The following TRIM33 variants were observed in gnomAD, a reference collection of about 807,000 sequenced individuals.
TRIM33 encodes E3 ubiquitin-protein ligase TRIM33.
Under a neutral mutation model 125.4 loss-of-function variants are expected in TRIM33, and 20 were observed. The observed-to-expected ratio is 0.16, with a 90% CI of 0.11 to 0.23. The LOEUF is 0.23. Among genes scored for constraint, TRIM33 ranks in the 10% least tolerant of loss-of-function variants. TRIM33 has a pLI of 1.00. For synonymous variants in TRIM33, 564 were observed against 513.9 expected (o/e 1.10, Z -1.32); for missense variants, 920 against 1,411.4 (o/e 0.65, Z 5.58).
At chr1:114,433,782 G>C (rs749456599) in intron 4 of TRIM33, 49 bp from the exon 5 acceptor site, 2 of 1,212,604 alleles carry the variant, frequency 1.6e-6, no homozygotes, top group Admixed American at 4.0e-5. Flanking sequence ...TTATGATTAA[G>C]ATTTTGGAAA....
chr1:114,456,366 C>T (rs1649623768), intron 4 of TRIM33, among the ~76,000 whole-genome samples: 1 of 152,256 alleles, frequency 6.6e-6, no homozygotes, highest in South Asian at 2.1e-4. Flanking sequence ...AATTAGACAA[C>T]GGAGTGCTGG....
At chr1:114,506,331 C>T (rs530631136) in intron 1 of TRIM33, among the ~76,000 whole-genome samples, 23 of 147,912 alleles carry the variant, frequency 1.6e-4, no homozygotes, top group Non-Finnish European at 3.0e-4. Flanking sequence ...TGCAGTGAGC[C>T]GAGATCGCAC....
In TRIM33 at chr1:114,394,953, A is replaced by G. The variant is rs927378020; in HGVS notation, c.*2695T>C. The G allele has an allele frequency of 1.0e-5, 2 of 196,124 alleles. No homozygotes were observed. Among genetic ancestry groups the G allele is most frequent in the Non-Finnish European group, 1.1e-5 (1 of 94,410 alleles). The allele number at this position is 196,124 out of a possible 1,614,324, so 12.1% of individuals were successfully genotyped here. A position where few individuals can be genotyped will look rare whatever the true frequency, so the allele number is the denominator to read the frequency against. Reference sequence around the variant, plus strand: ...TGGACTTTTCTCCAAATCTTCTAAAATACTGCCATTTAAAAAACAAATACA... The same window carrying G: ...TGGACTTTTCTCCAAATCTTCTAAAGTACTGCCATTTAAAAAACAAATACA... On this transcript the variant is annotated 3_prime_UTR_variant, in exon 20 of 20. Transcript: ENST00000358465.
chr1:114,417,582 C>T (rs1653016931), intron 11 of TRIM33, among the ~76,000 whole-genome samples: 1 of 152,182 alleles, frequency 6.6e-6, no homozygotes, highest in Non-Finnish European at 1.5e-5. Context: ...GGTATTGTTA[C>T]AGGTAGTGTG....
chr1:114,411,478 A>C (rs1428856705), intron 11 of TRIM33, among the ~76,000 whole-genome samples: 2 of 152,164 alleles, frequency 1.3e-5, no homozygotes, highest in Non-Finnish European at 2.9e-5. Context: ...CTACAGGTGA[A>C]TCCCTAGCTG....
At chr1:114,501,732 T>G (rs1652731918) in intron 1 of TRIM33, among the ~76,000 whole-genome samples, 1 of 152,086 alleles carries the variant, frequency 6.6e-6, no homozygotes, top group African/African-American at 2.4e-5. Flanking sequence ...TGTCAAGAAT[T>G]CTTGTAAATC....
At chr1:114,453,281 T>C (rs1386580686) in intron 4 of TRIM33, among the ~76,000 whole-genome samples, 1 of 151,494 alleles carries the variant, frequency 6.6e-6, no homozygotes, top group Non-Finnish European at 1.5e-5. Context: ...TGAGAATCAC[T>C]TGAATCCAGG....
intron 1 of TRIM33, among the ~76,000 whole-genome samples, chr1:114,487,450 A>G (rs1316397714): frequency 6.6e-6 from 1 of 152,004 alleles, no homozygotes; most frequent in Non-Finnish European, 1.5e-5. Context: ...ATGAAGGACA[A>G]CTAAAGATAT....
intron 4 of TRIM33, among the ~76,000 whole-genome samples, chr1:114,456,971 T>G (rs59214319): frequency 0.03 from 4,535 of 152,270 alleles, 164 homozygotes; most frequent in African/African-American, 0.083. Flanking sequence ...AAGCATCCTG[T>G]GATACTCAAC....
intron 5 of TRIM33, 40 bp from the exon 6 acceptor site, chr1:114,430,952 C>T (rs1647914032): frequency 1.8e-6 from 2 of 1,139,224 alleles, no homozygotes; most frequent in Non-Finnish European, 2.7e-6. Flanking sequence ...TCAACTTATC[C>T]TAGGTCTCTG....
chr1:114,505,061 C>A (rs1357687331), intron 1 of TRIM33, among the ~76,000 whole-genome samples: 1 of 152,158 alleles, frequency 6.6e-6, no homozygotes, highest in Non-Finnish European at 1.5e-5. Flanking sequence ...TCTCTTAATT[C>A]TCACAAAAAC....
intron 1 of TRIM33, among the ~76,000 whole-genome samples, chr1:114,466,808 G>T (rs1047568878): frequency 3.3e-5 from 5 of 152,178 alleles, no homozygotes; most frequent in African/African-American, 1.2e-4. Context: ...AGTCAGGCTG[G>T]CGTCGAACTC....
At chr1:114,448,311 G>GT (rs1649116538) in intron 4 of TRIM33, among the ~76,000 whole-genome samples, 1 of 152,192 alleles carries the variant, frequency 6.6e-6, no homozygotes, top group African/African-American at 2.4e-5. Flanking sequence ...GGAGTCTGTA[G>GT]TTCTCTTTTG....
chr1:114,510,379 C>G (rs915484965), intron 1 of TRIM33, among the ~76,000 whole-genome samples, 172 bp downstream of exon 1: 3 of 152,168 alleles, frequency 2.0e-5, no homozygotes, highest in Non-Finnish European at 4.4e-5. Flanking sequence ...CCCCTTATCT[C>G]TTGCGGTCCA....
At chr1:114,427,705 A>G in intron 7 of TRIM33, 43 bp downstream of exon 7, 1 of 1,583,386 alleles carries the variant, frequency 6.3e-7, no homozygotes, top group Non-Finnish European at 8.6e-7. Flanking sequence ...TATATATCTT[A>G]ATAAAGTCCA....
intron 1 of TRIM33, among the ~76,000 whole-genome samples, chr1:114,490,158 G>C (rs957347731): frequency 1.3e-5 from 2 of 150,376 alleles, no homozygotes; most frequent in Non-Finnish European, 3.0e-5. Flanking sequence ...TAAGAAAAAG[G>C]GTAGAACATC....
At chr1:114,442,643 G>T (rs1455449257) in intron 4 of TRIM33, among the ~76,000 whole-genome samples, 1 of 135,048 alleles carries the variant, frequency 7.4e-6, no homozygotes, top group Non-Finnish European at 1.5e-5. Context: ...AGCCAAGATC[G>T]CACCACTGCA....
intron 1 of TRIM33, among the ~76,000 whole-genome samples, chr1:114,490,146 AT>A (rs1489440142): frequency 1.3e-5 from 2 of 151,498 alleles, no homozygotes; most frequent in Middle Eastern, 3.2e-3. Context: ...GAAAAAAAAA[AT>A]TAAGAAAAAG....
chr1:114,498,032 G>T (rs1028308878), intron 1 of TRIM33, among the ~76,000 whole-genome samples: 1 of 150,690 alleles, frequency 6.6e-6, no homozygotes, highest in Non-Finnish European at 1.5e-5. Context: ...AGAGGCTGAG[G>T]CAGGAGAATC....
Sources: allele counts gnomAD v4.1 joint callset (sites outside exome capture counted in the v4.1 genomes callset), GRCh38; gene constraint gnomAD v4.1.1; transcripts MANE v1.5; gene names NCBI Gene and HGNC (gene_info 2026-07-23, HGNC 2026-07-21).